Variants in ADAMTS12 observed in about 807,000 individuals in gnomAD.
ADAMTS12 encodes ADAM metallopeptidase with thrombospondin type 1 motif 12.
Under a neutral mutation model 167.8 loss-of-function variants are expected in ADAMTS12, and 118 were observed. The observed-to-expected ratio is 0.70, with a 90% CI of 0.61 to 0.82. The LOEUF is 0.82. Among genes scored for constraint, ADAMTS12 ranks in the 40% least tolerant of loss-of-function variants. The pLI is 0.00. For synonymous variants in ADAMTS12, 704 were observed against 716.9 expected (o/e 0.98, Z 0.29); for missense variants, 1,916 against 1,998.8 (o/e 0.96, Z 0.79).
chr5:33,834,213 A>T (rs561342864), intron 2 of ADAMTS12, among the ~76,000 whole-genome samples: 1 of 151,480 alleles, frequency 6.6e-6, no homozygotes, highest in African/African-American at 2.4e-5. Context: ...CTATCTTCAT[A>T]TATGGTTCTA....
intron 2 of ADAMTS12, among the ~76,000 whole-genome samples, chr5:33,759,970 G>T (rs1467710390): frequency 6.6e-6 from 1 of 152,192 alleles, no homozygotes; most frequent in African/African-American, 2.4e-5. Context: ...CAATTTTAAT[G>T]TGCAAAAGAA....
At chr5:33,773,959 C>T (rs1745828947) in intron 2 of ADAMTS12, among the ~76,000 whole-genome samples, 2 of 152,186 alleles carry the variant, frequency 1.3e-5, no homozygotes, top group South Asian at 2.1e-4. Context: ...CACACACTGC[C>T]ATCCGCCTCA....
At chr5:33,826,593 T>A (rs1485033291) in intron 2 of ADAMTS12, among the ~76,000 whole-genome samples, 1 of 151,502 alleles carries the variant, frequency 6.6e-6, no homozygotes, top group Non-Finnish European at 1.5e-5. Context: ...TGTGTATATA[T>A]ATATATATAT....
intron 20 of ADAMTS12, among the ~76,000 whole-genome samples, chr5:33,553,164 G>T (rs1181781733): frequency 1.3e-5 from 2 of 152,104 alleles, no homozygotes; most frequent in African/African-American, 4.8e-5. Context: ...ACCACAATGA[G>T]ATACCATTTC....
intron 18 of ADAMTS12, among the ~76,000 whole-genome samples, chr5:33,581,525 G>A (rs97795): frequency 0.58 from 88,476 of 151,996 alleles, 25,901 homozygotes; most frequent in South Asian, 0.69. Context: ...AAACACAGTC[G>A]GAGTTTATCA....
At chr5:33,872,226 T>A (rs528245601) in intron 2 of ADAMTS12, among the ~76,000 whole-genome samples, 1 of 152,248 alleles carries the variant, frequency 6.6e-6, no homozygotes, top group East Asian at 1.9e-4. Flanking sequence ...AGCATCACCC[T>A]AACACCGAAA....
At chr5:33,869,190 C>T (rs1253491733) in intron 2 of ADAMTS12, among the ~76,000 whole-genome samples, 1 of 152,080 alleles carries the variant, frequency 6.6e-6, no homozygotes, top group African/African-American at 2.4e-5. Context: ...CTCCCTGTGT[C>T]CCAGCCACTC....
At chr5:33,871,168 C>G (rs1232087753) in intron 2 of ADAMTS12, among the ~76,000 whole-genome samples, 1 of 152,038 alleles carries the variant, frequency 6.6e-6, no homozygotes, top group African/African-American at 2.4e-5. Flanking sequence ...ATTTGAATAG[C>G]CCTATTAAGA....
chr5:33,537,611 C>T (rs574511882), intron 22 of ADAMTS12, among the ~76,000 whole-genome samples: 2 of 152,318 alleles, frequency 1.3e-5, no homozygotes, highest in South Asian at 2.1e-4. Flanking sequence ...TTGTATCCTT[C>T]GGTAGCAACC....
At chr5:33,860,441 A>C (rs1336828984) in intron 2 of ADAMTS12, among the ~76,000 whole-genome samples, 1 of 152,226 alleles carries the variant, frequency 6.6e-6, no homozygotes, top group Non-Finnish European at 1.5e-5. Context: ...TAATGAATAA[A>C]GTGTGAAGAC....
chr5:33,562,612 C>T (rs369768697), intron 19 of ADAMTS12, among the ~76,000 whole-genome samples: 6 of 151,304 alleles, frequency 4.0e-5, no homozygotes. Flanking sequence ...GTTTCTCTTG[C>T]TGTAACTTCA....
At chr5:33,864,368 G>T (rs1749730657) in intron 2 of ADAMTS12, among the ~76,000 whole-genome samples, 2 of 152,172 alleles carry the variant, frequency 1.3e-5, no homozygotes, top group South Asian at 4.1e-4. Context: ...AGAGAAATAG[G>T]AATGCTTTCA....
chr5:33,570,756 T>C (rs1489996150), intron 19 of ADAMTS12, among the ~76,000 whole-genome samples: 1 of 150,132 alleles, frequency 6.7e-6, no homozygotes, highest in Non-Finnish European at 1.5e-5. Context: ...ATATTAACTT[T>C]AAATGTAAAT....
rs1394030212 is a variant in ADAMTS12 at position 33,830,030 on chromosome 5, C to G, written c.489+51089G>C. ...AGAAAGGGAGGCCAGACAGCCCAAA[C>G]TGGAAGACAGGTCAGTGGCTTTGAT... On this transcript the variant is annotated intron_variant, in intron 2 of 23. Coordinates refer to ENST00000504830, the MANE Select transcript of ADAMTS12 (RefSeq NM_030955.4). Among the ~76,000 whole-genome samples the G allele has an allele frequency of 3.9e-5, 6 of 152,182 alleles. 1 individual carries two copies. The highest frequency in any genetic ancestry group is 3.3e-4 in the Admixed American group (5 of 15,280).
chr5:33,576,877 C>T lies in ADAMTS12; in HGVS notation c.3149G>A (p.Ser1050Asn), dbSNP rs1746761631. The T allele has an allele frequency of 6.2e-7, 1 of 1,614,040 alleles. No homozygotes were observed. Among genetic ancestry groups the T allele is most frequent in the Non-Finnish European group, 8.5e-7 (1 of 1,180,032 alleles). Reference sequence around the variant, plus strand: ...TTTGGAGGCTGTGGTAGGACTAGGGCTGCTGATTGCTGGAGTGCTTGTGCT... The same window carrying T: ...TTTGGAGGCTGTGGTAGGACTAGGGTTGCTGATTGCTGGAGTGCTTGTGCT... ...SMSTSTPAIS[S>N]PSPTTASKEG... The change falls in exon 19 of 24, where the codon AGC becomes AAC. Residue 1050 changes from serine to asparagine, a missense_variant. Coordinates refer to ENST00000504830, the MANE Select transcript of ADAMTS12 (RefSeq NM_030955.4).
chr5:33,811,473 C>T (rs1747457990), intron 2 of ADAMTS12, among the ~76,000 whole-genome samples: 1 of 152,054 alleles, frequency 6.6e-6, no homozygotes, highest in South Asian at 2.1e-4. Context: ...ATCGTCATGC[C>T]AATATCTGGG....
chr5:33,781,032 C>T (rs1746106830), intron 2 of ADAMTS12, among the ~76,000 whole-genome samples: 2 of 152,200 alleles, frequency 1.3e-5, no homozygotes, highest in African/African-American at 4.8e-5. Context: ...CTGGTTGAAA[C>T]AACGCATTAG....
At chr5:33,621,766 C>T (rs1233093873) in intron 14 of ADAMTS12, among the ~76,000 whole-genome samples, 2 of 152,162 alleles carry the variant, frequency 1.3e-5, no homozygotes, top group African/African-American at 4.8e-5. Flanking sequence ...CATGTCTGAT[C>T]CCAGGCTTGA....
intron 13 of ADAMTS12, among the ~76,000 whole-genome samples, chr5:33,630,047 T>C (rs2112142613): frequency 6.6e-6 from 1 of 152,346 alleles, no homozygotes; most frequent in Admixed American, 6.5e-5. Flanking sequence ...TAGTAAATGA[T>C]GGTGTTGAGT....
Sources: allele counts gnomAD v4.1 joint callset (sites outside exome capture counted in the v4.1 genomes callset), GRCh38; gene constraint gnomAD v4.1.1; transcripts MANE v1.5; gene names NCBI Gene and HGNC (gene_info 2026-07-23, HGNC 2026-07-21).